The following ANK3 variants were observed in gnomAD, a reference collection of about 807,000 sequenced individuals.
ANK3 encodes the protein ankyrin-3.
In ANK3, 57 loss-of-function variants were observed where a neutral mutation model predicts 370.9. The observed-to-expected ratio is 0.15, with a 90% CI of 0.12 to 0.19. The LOEUF is 0.19. ANK3 is among the 10% of genes least tolerant of loss of function. The probability of loss-of-function intolerance (pLI) is 1.00; values close to 1 mark genes in which losing one functional copy is unlikely to be tolerated. For missense variants in ANK3, 4,439 were observed against 5,302.1 expected, an observed-to-expected ratio of 0.84 and a Z score of 5.06; for synonymous variants, 1,929 against 1,946.3, an observed-to-expected ratio of 0.99 and a Z score of 0.23.
intron 1 of ANK3, among the ~76,000 whole-genome samples, chr10:60,299,299 A>T (rs947581273): frequency 6.6e-6 from 1 of 152,212 alleles, no homozygotes; most frequent in Non-Finnish European, 1.5e-5. Context: ...AACTGAATCC[A>T]TTTAAAATAA....
At chr10:60,409,960 C>T (rs2063526295) in intron 2 of ANK3, among the ~76,000 whole-genome samples, 1 of 152,162 alleles carries the variant, frequency 6.6e-6, no homozygotes, top group Non-Finnish European at 1.5e-5. Flanking sequence ...TGTCTAGGCT[C>T]ATCTCACTCC....
At chr10:60,584,856 T>C (rs1208104549) in intron 2 of ANK3, among the ~76,000 whole-genome samples, 1 of 152,166 alleles carries the variant, frequency 6.6e-6, no homozygotes, top group Admixed American at 6.5e-5. Flanking sequence ...GTCTCTAGTA[T>C]GTGCCAGAGC....
intron 7 of ANK3, among the ~76,000 whole-genome samples, chr10:60,241,233 C>T (rs2097452431): frequency 6.6e-6 from 1 of 152,068 alleles, no homozygotes; most frequent in South Asian, 2.1e-4. Flanking sequence ...GATCTATATG[C>T]ACTTTGTGAG....
intron 1 of ANK3, among the ~76,000 whole-genome samples, chr10:60,686,867 C>T (rs183034356): frequency 1.3e-5 from 2 of 152,276 alleles, no homozygotes; most frequent in African/African-American, 4.8e-5. Context: ...TACAATCATG[C>T]ACCCTGCAAA....
chr10:60,684,723 C>T (rs1459518124), intron 1 of ANK3: 16 of 1,585,622 alleles, frequency 1.0e-5, no homozygotes, highest in African/African-American at 2.7e-5. Context: ...CTTTTCACTT[C>T]GGGGATGTAG....
chr10:60,175,600 C>T (rs974421803), intron 18 of ANK3, among the ~76,000 whole-genome samples: 2 of 152,304 alleles, frequency 1.3e-5, no homozygotes, highest in South Asian at 2.1e-4. Context: ...CTCAGCAAAA[C>T]CCTGCAAAAT....
intron 2 of ANK3, among the ~76,000 whole-genome samples, chr10:60,439,278 G>T (rs1362178780): frequency 2.0e-5 from 3 of 152,168 alleles, no homozygotes; most frequent in African/African-American, 7.2e-5. Context: ...TGAACTGCTA[G>T]AGAAGGGAAT....
chr10:60,698,803 G>A (rs2079504845), intron 1 of ANK3, among the ~76,000 whole-genome samples: 1 of 149,950 alleles, frequency 6.7e-6, no homozygotes, highest in Non-Finnish European at 1.5e-5. Flanking sequence ...CCTAATGCTA[G>A]ATGACGAGCT....
intron 26 of ANK3, among the ~76,000 whole-genome samples, chr10:60,112,944 C>T (rs4406772): frequency 0.65 from 99,596 of 152,106 alleles, 34,242 homozygotes; most frequent in Non-Finnish European, 0.78. Context: ...AAGGCAAAAA[C>T]ACCTTGAGAT....
Position 60,181,388 on chromosome 10 carries a change from G to A in ANK3, c.2125C>T (p.Arg709Ter), listed in dbSNP as rs1234025820. 1 of 1,614,128 alleles carries A rather than the reference G, an allele frequency of 6.2e-7. No individual in the cohort carries two copies. The highest frequency in any genetic ancestry group is 2.2e-5 in the East Asian group (1 of 44,888). ...ACGAGGACTTCTGCCACATTCACTC[G>A]ATCTTCTTGAGCAGCCAAATGGAGT... The part of the protein sequence containing the change: ...TPLHLAAQED[R>*]VNVAEVLVNQ... The change falls in exon 18 of 44, where the codon CGA becomes TGA. Residue 709 changes from arginine to a stop codon, truncating the protein, a stop_gained. Coordinates refer to ENST00000280772, the MANE Select transcript of ANK3 (RefSeq NM_020987.5). LOFTEE classifies it high-confidence loss of function.
intron 2 of ANK3, among the ~76,000 whole-genome samples, chr10:60,477,802 A>C (rs2075112519): frequency 6.6e-6 from 1 of 152,108 alleles, no homozygotes; most frequent in South Asian, 2.1e-4. Context: ...AAAAACATTT[A>C]CCAAAAACCT....
At chr10:60,549,669 T>G (rs1228254952) in intron 2 of ANK3, among the ~76,000 whole-genome samples, 1 of 152,148 alleles carries the variant, frequency 6.6e-6, no homozygotes, top group African/African-American at 2.4e-5. Context: ...ACTATCAAAT[T>G]TATTACTTCA....
intron 1 of ANK3, among the ~76,000 whole-genome samples, chr10:60,377,584 A>G (rs993889028): frequency 3.9e-5 from 6 of 152,254 alleles, no homozygotes; most frequent in Non-Finnish European, 5.9e-5. Flanking sequence ...AATACTGGTG[A>G]TGATGAGGGA....
intron 2 of ANK3, among the ~76,000 whole-genome samples, chr10:60,489,327 C>T (rs2075431968): frequency 6.6e-6 from 1 of 152,160 alleles, no homozygotes. Context: ...AAGACTAATA[C>T]ACTAGACATA....
intron 2 of ANK3, among the ~76,000 whole-genome samples, chr10:60,613,395 C>T (rs1301779685): frequency 6.6e-6 from 1 of 152,066 alleles, no homozygotes; most frequent in East Asian, 1.9e-4. Flanking sequence ...ATCTATGCTC[C>T]TGATAAAGTT....
chr10:60,356,801 T>C (rs1354661650), intron 1 of ANK3, among the ~76,000 whole-genome samples: 1 of 152,200 alleles, frequency 6.6e-6, no homozygotes, highest in Admixed American at 6.5e-5. Context: ...CTCTGCCTCC[T>C]GGGTTTAGGC....
intron 1 of ANK3, among the ~76,000 whole-genome samples, chr10:60,685,655 G>T (rs1293173023): frequency 2.0e-5 from 3 of 152,210 alleles, no homozygotes; most frequent in Non-Finnish European, 4.4e-5. Flanking sequence ...GATAATATTT[G>T]TAATTGAAAA....
At chr10:60,224,315 A>G (rs1362875378) in intron 8 of ANK3, among the ~76,000 whole-genome samples, 2 of 152,146 alleles carry the variant, frequency 1.3e-5, no homozygotes, top group Admixed American at 1.3e-4. Flanking sequence ...AAGCAACACA[A>G]ACTGGCTAGT....
chr10:60,624,545 T>G (rs1472166171), intron 1 of ANK3, among the ~76,000 whole-genome samples: 1 of 152,134 alleles, frequency 6.6e-6, no homozygotes, highest in East Asian at 1.9e-4. Flanking sequence ...ACTGTGAATA[T>G]AATAGCTTTC....
Sources: gnomAD v4.1 joint callset for allele counts (sites outside exome capture counted in the v4.1 genomes callset) on GRCh38, gnomAD v4.1.1 for gene constraint, MANE v1.5 for transcripts, NCBI Gene and HGNC (gene_info 2026-07-23, HGNC 2026-07-21) for gene names.